ITGB2: variants seen among roughly 807,000 people sequenced by gnomAD.
The protein encoded by ITGB2 is integrin beta-2.
A neutral mutation model predicts 86.8 loss-of-function variants in ITGB2; 56 were observed. That is an observed-to-expected ratio of 0.65 (90% CI 0.52 to 0.81). The LOEUF (loss-of-function observed/expected upper bound fraction) is 0.81, where lower values mean the gene tolerates loss of function less well. ITGB2 is among the 30% of genes least tolerant of loss of function. ITGB2 has a pLI of 0.00. For missense variants in ITGB2, 948 were observed against 1,061.2 expected, an observed-to-expected ratio of 0.89 and a Z score of 1.48; for synonymous variants, 457 against 450.4, an observed-to-expected ratio of 1.01 and a Z score of -0.19.
At chr21:44,888,567 G>T in intron 14 of ITGB2, 126 bp downstream of exon 14, 3 of 1,102,884 alleles carry the variant, frequency 2.7e-6, no homozygotes, top group Non-Finnish European at 2.7e-6. Flanking sequence ...ATCCCGCATG[G>T]CTCATCCACC....
chr21:44,899,843 G>A (rs1035801589), intron 7 of ITGB2, among the ~76,000 whole-genome samples: 1 of 152,188 alleles, frequency 6.6e-6, no homozygotes, highest in Non-Finnish European at 1.5e-5. Flanking sequence ...CCCCGCAGCC[G>A]CTCACCCAGC....
At chr21:44,908,712 C>A (rs144217038) in intron 3 of ITGB2, among the ~76,000 whole-genome samples, 1 of 152,206 alleles carries the variant, frequency 6.6e-6, no homozygotes, top group African/African-American at 2.4e-5. Flanking sequence ...ATTCTGTCTG[C>A]GGCTTGTCCG....
At position 44,907,101 on chromosome 21, in the gene ITGB2, G is replaced by C; in HGVS notation, c.148-6C>G. Reference sequence around the variant, plus strand: ...TCCCCCGGCCCTGTGAAGTTCTGGGGAGGGGGAGTCAGGGGTCAGGAGGGG... The same window carrying C: ...TCCCCCGGCCCTGTGAAGTTCTGGGCAGGGGGAGTCAGGGGTCAGGAGGGG... On this transcript the variant is annotated splice_region_variant and splice_polypyrimidine_tract_variant and intron_variant, in intron 3 of 15. Transcript: ENST00000652462. The C allele has an allele frequency of 6.3e-7, 1 of 1,592,132 alleles. No homozygotes were observed.
chr21:44,891,808 C>T lies in ITGB2; in HGVS notation c.1412+1G>A. 6.2e-7 allele frequency: 1 copy of T among 1,604,228 alleles called. No homozygotes were observed. Among genetic ancestry groups the T allele is most frequent in the Non-Finnish European group, 8.5e-7 (1 of 1,179,930 alleles). ...TCAACAGGGACCTGCGCCCGCCTCA[C>T]CTGCAGATGCCGCACTCCAAGAAGC... is the stretch of plus-strand genomic sequence containing the variant. On this transcript the variant is annotated splice_donor_variant, in intron 11 of 15. Transcript: ENST00000652462. LOFTEE classifies it high-confidence loss of function.
chr21:44,892,818 C>T (rs2146506934), intron 10 of ITGB2: 1 of 155,428 alleles, frequency 6.4e-6, no homozygotes, highest in East Asian at 1.9e-4. Context: ...AGAGAAGGAA[C>T]TCAGTGTCCA....
At position 44,888,857 on chromosome 21, in the gene ITGB2, A is replaced by G. The variant is rs1311963991; in HGVS notation, c.1916T>C (p.Phe639Ser). ...ACACGCCGCGCTGCAGTTCTTCCCA[A>G]AGGGGCCCTTTTCGAACTTCAGGCA... ...AECLKFEKGP[F>S]GKNCSAACPG... The change falls in exon 14 of 16, where the codon TTT (phenylalanine) becomes TCT (serine). Residue 639 changes from phenylalanine (F) to serine (S), a missense_variant. Physicochemically the swap from Phe to Ser is radical, Grantham distance 155. Transcript: ENST00000652462. The G allele has an allele frequency of 2.5e-6, 4 of 1,608,964 alleles. No individual in the cohort carries two copies. The highest frequency in any genetic ancestry group is 2.7e-5 in the African/African-American group (2 of 75,026).
At chr21:44,910,649 G>C (rs1472458961) in intron 2 of ITGB2, 76 bp downstream of exon 2, 2 of 1,549,534 alleles carry the variant, frequency 1.3e-6, no homozygotes, top group African/African-American at 2.7e-5. Context: ...CTGTCTATGG[G>C]AAAGTGAGGG....
intron 1 of ITGB2, among the ~76,000 whole-genome samples, chr21:44,913,627 A>T (rs2146552642): frequency 6.6e-6 from 1 of 152,206 alleles, no homozygotes; most frequent in Non-Finnish European, 1.5e-5. Flanking sequence ...CCAGACAAAC[A>T]GCTGGGGATG....
At position 44,896,155 on chromosome 21, in the gene ITGB2, C is replaced by T. The variant is rs192099747; in HGVS notation, c.994-1095G>A. Among the ~76,000 whole-genome samples, 30 of 152,298 alleles carry T rather than the reference C, an allele frequency of 2.0e-4. 1 individual carries two copies. Among genetic ancestry groups the T allele is most frequent in the African/African-American group, 6.7e-4 (28 of 41,564 alleles). The stretch of plus-strand genomic sequence containing the variant: ...CCTGCCTGTGGTGTGAGTGATCCTG[C>T]CTGGTGGATTTCAAGCTCGCAATAT... On this transcript the variant is annotated intron_variant, in intron 8 of 15. Coordinates refer to ENST00000652462, the MANE Select transcript of ITGB2 (RefSeq NM_000211.5).
At position 44,893,303 on chromosome 21, in the gene ITGB2, C is replaced by A. The variant is rs1373834452; in HGVS notation, c.1224+101G>T. On this transcript the variant is annotated intron_variant, in intron 10 of 15. Transcript: ENST00000652462. Reference sequence around the variant, plus strand: ...GGACCCTGGCTCCTTCTGGCTGTCCCCAGGACCCCTCAGTGTGCTGGGATG... The same window carrying A: ...GGACCCTGGCTCCTTCTGGCTGTCCACAGGACCCCTCAGTGTGCTGGGATG... 6 of 1,475,240 alleles carry A rather than the reference C, an allele frequency of 4.1e-6. No homozygotes were observed. In the African/African-American group the frequency reaches 6.9e-5, roughly 17 times the overall value. 91.4% of individuals were successfully genotyped at this position (1,475,240 alleles called of 1,614,324 possible).
chr21:44,906,097 G>A (rs2084037787), intron 4 of ITGB2, among the ~76,000 whole-genome samples: 1 of 151,366 alleles, frequency 6.6e-6, no homozygotes, highest in Non-Finnish European at 1.5e-5. Flanking sequence ...CACCACACCT[G>A]CCTTCCTGGA....
upstream of ITGB2, among the ~76,000 whole-genome samples, chr21:44,925,817 G>A (rs1020420627): frequency 4.6e-5 from 7 of 152,328 alleles, no homozygotes; most frequent in East Asian, 7.7e-4. Flanking sequence ...GGGGGCTCAC[G>A]CCTGTAATCC....
upstream of ITGB2, chr21:44,921,071 T>A (rs1297217419): frequency 6.6e-6 from 1 of 152,228 alleles, no homozygotes; most frequent in African/African-American, 2.4e-5. Context: ...GTGGGACATG[T>A]CATTTCTCAC....
At chr21:44,915,920 T>G (rs1034034080) in intron 1 of ITGB2, among the ~76,000 whole-genome samples, 3 of 149,366 alleles carry the variant, frequency 2.0e-5, no homozygotes, top group Non-Finnish European at 3.0e-5. Context: ...AGCACAGTTT[T>G]GTTTGTTTGT....
At position 44,886,306 on chromosome 21, in the gene ITGB2, T is replaced by C; in HGVS notation, c.*62A>G. 1 of 1,401,430 alleles carries C rather than the reference T, an allele frequency of 7.1e-7. No individual in the cohort carries two copies. Among genetic ancestry groups the C allele is most frequent in the Non-Finnish European group, 1.0e-6 (1 of 986,142 alleles). The allele number at this position is 1,401,430 out of a possible 1,614,324, so 86.8% of individuals were successfully genotyped here. On this transcript the variant is annotated 3_prime_UTR_variant, in exon 16 of 16. Coordinates refer to ENST00000652462, the MANE Select transcript of ITGB2 (RefSeq NM_000211.5). ...TCCTCAAGAGCTGTGGCAAGCCATG[T>C]CTCGGCCGCGTGATGGGGCAGACAT...
At chr21:44,913,744 C>T (rs1401926279) in intron 1 of ITGB2, among the ~76,000 whole-genome samples, 3 of 152,198 alleles carry the variant, frequency 2.0e-5, no homozygotes, top group Non-Finnish European at 4.4e-5. Context: ...CAGGATGGCC[C>T]ACGGAGGTCC....
upstream of ITGB2, among the ~76,000 whole-genome samples, chr21:44,924,147 A>T (rs1473276460): frequency 6.6e-6 from 1 of 152,092 alleles, no homozygotes; most frequent in African/African-American, 2.4e-5. Context: ...TAAACACATC[A>T]GGCCAGTCGC....
At position 44,895,945 on chromosome 21, in the gene ITGB2, A is replaced by G. The variant is rs114239928; in HGVS notation, c.994-885T>C. On this transcript the variant is annotated intron_variant, in intron 8 of 15. Transcript: ENST00000652462. ...AAAATTACTGTTGCATCATGAGGAT[A>G]AGAAAAGAAAGCAAAGCCCTGAGCT... Among the ~76,000 whole-genome samples, 504 of 152,346 alleles carry G rather than the reference A, an allele frequency of 3.3e-3. 7 individuals are homozygous for G. The highest frequency in any genetic ancestry group is 0.011 in the African/African-American group (461 of 41,588).
Position 44,891,907 on chromosome 21 carries a change from G to C in ITGB2, c.1314C>G (p.Thr438=). 6.2e-7 allele frequency: 1 copy of C among 1,613,312 alleles called. No individual in the cohort carries two copies. The highest frequency in any genetic ancestry group is 8.5e-7 in the Non-Finnish European group (1 of 1,179,990). The part of the protein sequence containing the change: ...IRALGFTDIV[T]VQVLPQCECR... ...ACTCACACTGGGGAAGAACCTGCAC[G>C]GTCACTATGTCCGTGAAGCCCAGCG... Residue 438 remains threonine (T), a synonymous_variant, in exon 11 of 16, where the codon ACC becomes ACG. Transcript: ENST00000652462.
Sources: gnomAD v4.1 joint callset for allele counts (sites outside exome capture counted in the v4.1 genomes callset) on GRCh38, gnomAD v4.1.1 for gene constraint, MANE v1.5 for transcripts, NCBI Gene and HGNC (gene_info 2026-07-23, HGNC 2026-07-21) for gene names.